The following USP53 variants were observed in gnomAD, a reference collection of about 807,000 sequenced individuals.
USP53 encodes the protein ubiquitin carboxyl-terminal hydrolase 53.
In USP53, 71 loss-of-function variants were observed where a neutral mutation model predicts 94.9. The ratio of observed to expected loss-of-function variants is 0.75; its 90% confidence interval spans 0.62 to 0.91. USP53 has a LOEUF of 0.91. Ranked by LOEUF, USP53 falls within the 40% of genes least tolerant of loss-of-function variation. USP53 has a pLI of 0.00. For synonymous variants in USP53, 375 were observed against 422.7 expected, an observed-to-expected ratio of 0.89 and a Z score of 1.39; for missense variants, 1,173 against 1,281.0, an observed-to-expected ratio of 0.92 and a Z score of 1.29.
intron 12 of USP53, among the ~76,000 whole-genome samples, chr4:119,265,699 A>AC (rs1553971354): frequency 6.7e-6 from 1 of 149,014 alleles, no homozygotes; most frequent in Non-Finnish European, 1.5e-5. Context: ...AACAACAACA[A>AC]AACAAATGGA....
intron 17 of USP53, among the ~76,000 whole-genome samples, chr4:119,274,256 C>A (rs12650267): frequency 0.23 from 27,301 of 118,218 alleles, 3,415 homozygotes; most frequent in South Asian, 0.37. Flanking sequence ...CCTCCCCCCA[C>A]CCCACCGCAG....
chr4:119,216,027 T>C (rs1348436471), intron 2 of USP53, among the ~76,000 whole-genome samples: 2 of 152,222 alleles, frequency 1.3e-5, no homozygotes, highest in Non-Finnish European at 2.9e-5. Flanking sequence ...TGAATAAACA[T>C]TATTGACCTC....
chr4:119,281,556 A>G (rs994248284), intron 17 of USP53, among the ~76,000 whole-genome samples: 10 of 152,332 alleles, frequency 6.6e-5, no homozygotes, highest in African/African-American at 2.4e-4. Flanking sequence ...ATAAAATCTG[A>G]TAAGTTTGGT....
In USP53 at chr4:119,294,100, G is replaced by A. The variant is rs1755052597; in HGVS notation, c.*889G>A. ...TCTAATTTTATATGAAATGTGAAAG[G>A]TCTTTATTTTGGTTTGGTTTACTTT... On this transcript the variant is annotated 3_prime_UTR_variant, in exon 19 of 19. Coordinates refer to ENST00000692078, the MANE Select transcript of USP53 (RefSeq NM_001371395.1). 1 of 151,906 alleles carries A rather than the reference G, an allele frequency of 6.6e-6. No homozygotes were observed. Among genetic ancestry groups the A allele is most frequent in the African/African-American group, 2.4e-5 (1 of 41,360 alleles). The allele number at this position is 151,906 out of a possible 1,614,324, so 9.4% of individuals were successfully genotyped here.
intron 7 of USP53, among the ~76,000 whole-genome samples, chr4:119,255,620 G>T (rs1440005415): frequency 6.6e-6 from 1 of 152,188 alleles, no homozygotes; most frequent in East Asian, 1.9e-4. Flanking sequence ...CAGTATTTCG[G>T]CAGGAGTGTA....
intron 2 of USP53, among the ~76,000 whole-genome samples, chr4:119,216,054 A>C (rs1476586868): frequency 6.6e-6 from 1 of 152,212 alleles, no homozygotes; most frequent in Non-Finnish European, 1.5e-5. Flanking sequence ...TATGCTAGGC[A>C]TAGTGCTAAA....
At chr4:119,286,600 G>T (rs1389822626) in intron 17 of USP53, among the ~76,000 whole-genome samples, 2 of 151,880 alleles carry the variant, frequency 1.3e-5, no homozygotes, top group Non-Finnish European at 2.9e-5. Flanking sequence ...GCTGCCCATT[G>T]TGTGAATAAT....
chr4:119,267,695 T>C (rs1751318952), intron 13 of USP53, among the ~76,000 whole-genome samples: 1 of 152,214 alleles, frequency 6.6e-6, no homozygotes, highest in African/African-American at 2.4e-5. Flanking sequence ...CCCACTATTA[T>C]GGTCACACAA....
chr4:119,269,249 A>G (rs1217382615), intron 14 of USP53, among the ~76,000 whole-genome samples: 1 of 152,204 alleles, frequency 6.6e-6, no homozygotes, highest in Non-Finnish European at 1.5e-5. Flanking sequence ...AAGCATTGGA[A>G]CAAGACAACT....
intron 7 of USP53, among the ~76,000 whole-genome samples, chr4:119,250,918 A>T (rs547345389): frequency 3.6e-3 from 444 of 124,436 alleles, no homozygotes; most frequent in African/African-American, 0.013. Flanking sequence ...TTTTTTTTTT[A>T]ATTATACTTT....
intron 17 of USP53, among the ~76,000 whole-genome samples, chr4:119,286,379 G>C (rs1417029085): frequency 6.7e-6 from 1 of 149,608 alleles, no homozygotes; most frequent in East Asian, 1.9e-4. Flanking sequence ...TTTTTTTTCT[G>C]TGTCAAAGCG....
Position 119,291,246 on chromosome 4 carries a change from A to G in USP53, c.2333A>G (p.Asn778Ser), listed in dbSNP as rs1266287245. The G allele has an allele frequency of 1.9e-6, 3 of 1,587,336 alleles. No homozygotes were observed. Among genetic ancestry groups the G allele is most frequent in the Admixed American group, 1.8e-5 (1 of 55,468 alleles). ...FHPESHLQIK[N>S]HLIKRSHVHE... ...CCAGAATCACATTTACAAATAAAAA[A>G]TCATTTGATAAAAAGGTAACCATAT... Residue 778 changes from asparagine (N) to serine (S), a missense_variant, in exon 18 of 19, where the codon AAT becomes AGT. By Grantham distance (46) the Asn-to-Ser change is conservative. Transcript: ENST00000692078.
intron 5 of USP53, among the ~76,000 whole-genome samples, chr4:119,241,333 CTTTT>C (rs945564060): frequency 2.0e-5 from 3 of 152,032 alleles, no homozygotes; most frequent in Admixed American, 6.6e-5. Flanking sequence ...GTGCTCATCA[CTTTT>C]TTGCATAGAT....
Position 119,273,716 on chromosome 4 carries a change from A to T in USP53, c.2251+8A>T. 6.2e-7 allele frequency: 1 copy of T among 1,604,878 alleles called. No homozygotes were observed. The highest frequency in any genetic ancestry group is 8.5e-7 in the Non-Finnish European group (1 of 1,173,984). Reference sequence around the variant, plus strand: ...GCCAACATCACTTAGAAGGTAAAAAACTTATTTGAATATAATAGTTGCTGT... The same window carrying T: ...GCCAACATCACTTAGAAGGTAAAAATCTTATTTGAATATAATAGTTGCTGT... On this transcript the variant is annotated splice_region_variant and intron_variant, in intron 17 of 18. Coordinates refer to ENST00000692078, the MANE Select transcript of USP53 (RefSeq NM_001371395.1).
chr4:119,274,144 TTG>T (rs1377473731), intron 17 of USP53, among the ~76,000 whole-genome samples: 2 of 151,484 alleles, frequency 1.3e-5, no homozygotes, highest in Non-Finnish European at 2.9e-5. Flanking sequence ...CATGTGCACA[TTG>T]TGCAGGTTAG....
chr4:119,283,613 G>A (rs1753756200), intron 17 of USP53, among the ~76,000 whole-genome samples: 1 of 151,716 alleles, frequency 6.6e-6, no homozygotes, highest in Non-Finnish European at 1.5e-5. Context: ...AGCGTATGTG[G>A]GCAGGATAAT....
At chr4:119,249,956 G>A (rs538130759) in intron 7 of USP53, among the ~76,000 whole-genome samples, 2 of 152,192 alleles carry the variant, frequency 1.3e-5, no homozygotes, top group South Asian at 4.2e-4. Flanking sequence ...GAGCCACTGC[G>A]ACTGGCCTTA....
rs758442410 is a variant in USP53, at chr4:119,256,316, C to A, written c.443C>A (p.Ser148Tyr). ...SRDADMCTSKSCITHQKFAMT... is the reference protein window; with the variant it reads ...SRDADMCTSKYCITHQKFAMT... ...GATGCAGACATGTGTACCTCTAAAT[C>A]TTGTATCACTCACCAGAAGTTTGCT... The change falls in exon 8 of 19, where the codon TCT (serine) becomes TAT (tyrosine). Residue 148 changes from serine to tyrosine, a missense_variant. By Grantham distance (144) the Ser-to-Tyr change is moderately radical (BLOSUM62 -2). Coordinates refer to ENST00000692078, the MANE Select transcript of USP53 (RefSeq NM_001371395.1). 3.0e-5 allele frequency: 49 copies of A among 1,613,832 alleles called. No homozygotes were observed. The highest frequency in any genetic ancestry group is 4.0e-5 in the Non-Finnish European group (47 of 1,179,952).
intron 17 of USP53, among the ~76,000 whole-genome samples, chr4:119,290,363 G>A (rs1267865835): frequency 6.6e-6 from 1 of 152,122 alleles, no homozygotes; most frequent in Non-Finnish European, 1.5e-5. Context: ...TTAAATGTCA[G>A]AACCAGGAGA....
Sources: allele counts gnomAD v4.1 joint callset (sites outside exome capture counted in the v4.1 genomes callset), GRCh38; gene constraint gnomAD v4.1.1; transcripts MANE v1.5; gene names NCBI Gene and HGNC (gene_info 2026-07-23, HGNC 2026-07-21).